The following CYFIP1 variants were observed in gnomAD, a reference collection of about 807,000 sequenced individuals.
CYFIP1 encodes the protein cytoplasmic FMR1-interacting protein 1.
In CYFIP1, 58 loss-of-function variants were observed where a neutral mutation model predicts 163.5. That is an observed-to-expected ratio of 0.35 (90% CI 0.29 to 0.44). The LOEUF (loss-of-function observed/expected upper bound fraction) is 0.44. Ranked by LOEUF, CYFIP1 falls within the 20% of genes least tolerant of loss-of-function variation. The probability of loss-of-function intolerance (pLI) is 1.00; values close to 1 mark genes in which losing one functional copy is unlikely to be tolerated. For synonymous variants in CYFIP1, 663 were observed against 660.7 expected (o/e 1.00, Z -0.05); for missense variants, 1,338 against 1,653.8 (o/e 0.81, Z 3.31).
intron 22 of CYFIP1, among the ~76,000 whole-genome samples, chr15:22,896,923 T>C (rs942972472): frequency 2.0e-5 from 3 of 152,024 alleles, no homozygotes; most frequent in Admixed American, 2.0e-4. Flanking sequence ...TTAAAGAGTG[T>C]TGGCCGGGCG....
chr15:22,912,486 G>A (rs1177384814), intron 17 of CYFIP1: 2 of 474,072 alleles, frequency 4.2e-6, no homozygotes, highest in South Asian at 4.0e-5. Context: ...GATGCTTGGG[G>A]ACAGCAGACG....
chr15:22,980,698 C>T (rs1415279572), upstream of CYFIP1, among the ~76,000 whole-genome samples: 3 of 151,974 alleles, frequency 2.0e-5, no homozygotes, highest in African/African-American at 4.8e-5. Flanking sequence ...CGGGGCTCCA[C>T]CGGGTCAGGG....
chr15:22,889,876 T>A (rs573189376), intron 23 of CYFIP1, among the ~76,000 whole-genome samples: 16 of 152,224 alleles, frequency 1.1e-4, no homozygotes, highest in Admixed American at 2.0e-4. Flanking sequence ...AGTCCTATCT[T>A]CTAAAATAAC....
chr15:22,917,844 T>TG lies in CYFIP1; in HGVS notation c.1617dup (p.Lys540GlnfsTer44). 6.2e-7 allele frequency: 1 copy of TG among 1,613,892 alleles called. No homozygotes were observed. Among genetic ancestry groups the TG allele is most frequent in the Non-Finnish European group, 8.5e-7 (1 of 1,179,952 alleles). ...GGTACTTTTATGTCGAAGCCGCTCT[T>TG]GGGGTCCTTCTCGCCCCGCAAGGCT... On this transcript the variant is annotated frameshift_variant, in exon 15 of 31. Transcript: ENST00000617928. LOFTEE classifies it high-confidence loss of function. The surrounding 1 kb of genome is among the most constrained non-coding windows in gnomAD (Gnocchi z 4.2).
chr15:22,941,051 C>T (rs946180591), intron 6 of CYFIP1, among the ~76,000 whole-genome samples: 1 of 152,190 alleles, frequency 6.6e-6, no homozygotes, highest in African/African-American at 2.4e-5. Context: ...AAGAAAAAAC[C>T]ATGTTTCCTT....
intron 24 of CYFIP1, 126 bp from the exon 25 acceptor site, chr15:22,882,062 G>T: frequency 1.3e-6 from 1 of 757,730 alleles, no homozygotes; most frequent in Non-Finnish European, 2.2e-6. Flanking sequence ...CTGCAGGATC[G>T]TCTGGCTGGG....
intron 22 of CYFIP1, among the ~76,000 whole-genome samples, chr15:22,894,071 C>T (rs987940006): frequency 6.6e-6 from 1 of 152,060 alleles, no homozygotes; most frequent in African/African-American, 2.4e-5. Flanking sequence ...CAGCAGCACA[C>T]CTGCAAAGCC....
chr15:22,937,594 T>C (rs1435544620), intron 8 of CYFIP1, among the ~76,000 whole-genome samples: 5 of 141,336 alleles, frequency 3.5e-5, no homozygotes, highest in Non-Finnish European at 8.0e-5. Flanking sequence ...AAACTAAAAA[T>C]TCTTTTTTTG....
At position 22,912,281 on chromosome 15, in the gene CYFIP1, G is replaced by A. The variant is rs1020397222; in HGVS notation, c.1986-6C>T. 3 of 1,608,488 alleles carry A rather than the reference G, an allele frequency of 1.9e-6. No homozygotes were observed. Among genetic ancestry groups the A allele is most frequent in the Non-Finnish European group, 2.5e-6 (3 of 1,177,140 alleles). On this transcript the variant is annotated splice_polypyrimidine_tract_variant and splice_region_variant and intron_variant, in intron 17 of 30. Coordinates refer to ENST00000617928, the MANE Select transcript of CYFIP1 (RefSeq NM_014608.6). ...CCAGGGAGTAGAGCACGTACCTGCAGAGGACAGCAGCAGTGTGACCAGCAG... is the reference window on the plus strand; with the variant it reads ...CCAGGGAGTAGAGCACGTACCTGCAAAGGACAGCAGCAGTGTGACCAGCAG...
chr15:22,895,016 A>ATT (rs748636744), intron 22 of CYFIP1, among the ~76,000 whole-genome samples: 1 of 137,670 alleles, frequency 7.3e-6, no homozygotes, highest in African/African-American at 2.7e-5. Flanking sequence ...TGCCTGGCTA[A>ATT]TTTTTTTTTT....
intron 11 of CYFIP1, among the ~76,000 whole-genome samples, chr15:22,930,223 C>CA (rs1566988228): frequency 6.7e-6 from 1 of 150,040 alleles, no homozygotes; most frequent in African/African-American, 2.4e-5. Flanking sequence ...AAAAAAAACA[C>CA]AAAAAAACAC....
At chr15:22,913,714 C>G (rs1349848846) in intron 17 of CYFIP1, among the ~76,000 whole-genome samples, 1 of 151,546 alleles carries the variant, frequency 6.6e-6, no homozygotes, top group Non-Finnish European at 1.5e-5. Flanking sequence ...CCCACTACCT[C>G]ATATCTGGAC....
intron 9 of CYFIP1, among the ~76,000 whole-genome samples, chr15:22,936,238 A>AAAAAC (rs1243993596): frequency 6.6e-6 from 1 of 152,186 alleles, no homozygotes; most frequent in Non-Finnish European, 1.5e-5. Flanking sequence ...GGCCTGTCTC[A>AAAAAC]AAAACAAAAC....
chr15:22,873,697 C>T lies in CYFIP1; in HGVS notation c.3243G>A (p.Leu1081=). Residue 1081 remains leucine (L), a synonymous_variant, in exon 29 of 31, where the codon CTG becomes CTA. Transcript: ENST00000617928. The part of the protein sequence containing the change: ...QIAIAREGDL[L]TKERLCCGLS... ...GGCCGCAGCAGAGGCGCTCCTTTGT[C>T]AGCAGGTCCCCCTCTCTTGCGATGG... 1 of 1,613,896 alleles carries T rather than the reference C, an allele frequency of 6.2e-7. No individual in the cohort carries two copies. The highest frequency in any genetic ancestry group is 8.5e-7 in the Non-Finnish European group (1 of 1,179,732).
At chr15:22,933,651 C>G (rs769902824) in intron 10 of CYFIP1, 151 bp downstream of exon 10, 1 of 607,790 alleles carries the variant, frequency 1.6e-6, no homozygotes. Flanking sequence ...TGTAAATAGC[C>G]GCATGTGGCA....
chr15:22,903,402 A>C (rs1429113811), intron 22 of CYFIP1, among the ~76,000 whole-genome samples: 3 of 152,186 alleles, frequency 2.0e-5, no homozygotes, highest in Non-Finnish European at 2.9e-5. Flanking sequence ...CCCACACTCC[A>C]ACATGCCAGC....
chr15:22,910,628 A>G lies in CYFIP1; in HGVS notation c.2160T>C (p.Ser720=). Residue 720 remains serine, a splice_region_variant and synonymous_variant, in exon 20 of 31, where the codon AGT becomes AGC. Transcript: ENST00000617928. ...ATCGTAACCGTTTATCAAGAAGCAAACTAGTGTAGAAGGAAGACAGAAAGT... is the reference window on the plus strand; with the variant it reads ...ATCGTAACCGTTTATCAAGAAGCAAGCTAGTGTAGAAGGAAGACAGAAAGT... ...IFAYYKVMAG[S]LLLDKRLRSE... 6.2e-7 allele frequency: 1 copy of G among 1,613,858 alleles called. No homozygotes were observed. The highest frequency in any genetic ancestry group is 8.5e-7 in the Non-Finnish European group (1 of 1,179,698).
chr15:22,897,119 A>T lies in CYFIP1; in HGVS notation c.2589-4142T>A, dbSNP rs190772488. Among the ~76,000 whole-genome samples, 3 of 152,196 alleles carry T rather than the reference A, an allele frequency of 2.0e-5. No homozygotes were observed. The East Asian group carries it at 5.8e-4, about 29-fold the overall frequency. ...TCTCAGGTACTCGGGAGGCTGAGGC[A>T]GGAGAATCACTTGAACCCAGGAGGC... On this transcript the variant is annotated intron_variant, in intron 22 of 30. Transcript: ENST00000617928.
chr15:22,977,887 G>A (rs915182428), intron 1 of CYFIP1, among the ~76,000 whole-genome samples: 4 of 151,534 alleles, frequency 2.6e-5, no homozygotes, highest in African/African-American at 7.3e-5. Context: ...AAGGAGGGAG[G>A]GAGATGTTAG....
Sources: gnomAD v4.1 joint callset for allele counts (sites outside exome capture counted in the v4.1 genomes callset) on GRCh38, gnomAD v4.1.1 for gene constraint, Gnocchi (gnomAD v3.1) non-coding constraint, MANE v1.5 for transcripts, NCBI Gene and HGNC (gene_info 2026-07-23, HGNC 2026-07-21) for gene names.